Variants in CYB5B observed in about 807,000 individuals in gnomAD.
CYB5B encodes the protein cytochrome b5 type B.
In CYB5B, 14 loss-of-function variants were observed where a neutral mutation model predicts 21.3. The observed-to-expected ratio is 0.66, with a 90% confidence interval of 0.43 to 1.03. The LOEUF (loss-of-function observed/expected upper bound fraction) is 1.03, where lower values mean the gene tolerates loss of function less well. Ranked by LOEUF, CYB5B falls within the 50% of genes least tolerant of loss-of-function variation. CYB5B has a pLI of 0.00. For synonymous variants in CYB5B, 69 were observed against 68.4 expected, an observed-to-expected ratio of 1.01 and a Z score of -0.04; for missense variants, 166 against 185.1, an observed-to-expected ratio of 0.90 and a Z score of 0.60.
At chr16:69,442,517 C>T (rs941387224) in intron 1 of CYB5B, among the ~76,000 whole-genome samples, 1 of 151,816 alleles carries the variant, frequency 6.6e-6, no homozygotes, top group Non-Finnish European at 1.5e-5. Flanking sequence ...TTATTTTTTA[C>T]TTTTTAATAT....
intron 1 of CYB5B, among the ~76,000 whole-genome samples, chr16:69,427,404 T>C (rs1312433567): frequency 6.6e-6 from 1 of 152,094 alleles, no homozygotes; most frequent in Non-Finnish European, 1.5e-5. Flanking sequence ...TTCTTTTTTT[T>C]TTTCCTCTGT....
At chr16:69,427,924 A>G (rs1279826682) in intron 1 of CYB5B, among the ~76,000 whole-genome samples, 1 of 145,912 alleles carries the variant, frequency 6.9e-6, no homozygotes, top group Admixed American at 7.0e-5. Flanking sequence ...TGAACCCGGG[A>G]GGTGGAGGTT....
chr16:69,463,609 A>G lies in CYB5B; in HGVS notation c.*1089A>G, dbSNP rs2015057650. The G allele has an allele frequency of 6.6e-6, 1 of 151,974 alleles. No homozygotes were observed. The highest frequency in any genetic ancestry group is 1.5e-5 in the Non-Finnish European group (1 of 67,992). The allele number at this position is 151,974 out of a possible 1,614,324, so 9.4% of individuals were successfully genotyped here. The stretch of plus-strand genomic sequence containing the variant: ...TTGATTAGCAAATTTTTGATTCTCC[A>G]TTTTCCAAAAGTAAGAGACTCCAGC... On this transcript the variant is annotated 3_prime_UTR_variant, in exon 5 of 5. Coordinates refer to ENST00000307892, the MANE Select transcript of CYB5B (RefSeq NM_030579.3).
At chr16:69,428,600 G>A (rs556674955) in intron 1 of CYB5B, among the ~76,000 whole-genome samples, 2 of 152,078 alleles carry the variant, frequency 1.3e-5, no homozygotes, top group East Asian at 1.9e-4. Context: ...AGGTTGCAGC[G>A]ATCCAAGATT....
chr16:69,465,102 C>G lies in CYB5B; in HGVS notation c.*2582C>G, dbSNP rs2015075722. On this transcript the variant is annotated 3_prime_UTR_variant, in exon 5 of 5. Coordinates refer to ENST00000307892, the MANE Select transcript of CYB5B (RefSeq NM_030579.3). Reference sequence around the variant, plus strand: ...TTGACATGGGTAGCTGGTGAAAAACCCTCTGGAGAGCAAGTGGAGCCAGTC... The same window carrying G: ...TTGACATGGGTAGCTGGTGAAAAACGCTCTGGAGAGCAAGTGGAGCCAGTC... 1 of 152,044 alleles carries G rather than the reference C, an allele frequency of 6.6e-6. No homozygotes were observed. The highest frequency in any genetic ancestry group is 1.5e-5 in the Non-Finnish European group (1 of 68,070). The allele number at this position is 152,044 out of a possible 1,614,324, so 9.4% of individuals were successfully genotyped here.
chr16:69,458,273 A>G (rs2015000849), intron 3 of CYB5B, among the ~76,000 whole-genome samples: 1 of 152,160 alleles, frequency 6.6e-6, no homozygotes, highest in African/African-American at 2.4e-5. Flanking sequence ...CCCCATATTC[A>G]TTAGCAGTCG....
chr16:69,436,107 G>C (rs945608433), intron 1 of CYB5B, among the ~76,000 whole-genome samples: 13 of 152,110 alleles, frequency 8.5e-5, no homozygotes, highest in South Asian at 2.1e-4. Context: ...TTTGCCCGGG[G>C]GCATGGCATG....
At chr16:69,451,837 G>T (rs897528210) in intron 3 of CYB5B, among the ~76,000 whole-genome samples, 3 of 151,602 alleles carry the variant, frequency 2.0e-5, no homozygotes, top group African/African-American at 7.3e-5. Flanking sequence ...TGTAGTCCCA[G>T]CTACTCGGGG....
intron 3 of CYB5B, among the ~76,000 whole-genome samples, chr16:69,457,647 A>G (rs754582802): frequency 1.3e-5 from 2 of 152,230 alleles, no homozygotes; most frequent in Non-Finnish European, 2.9e-5. Flanking sequence ...CTTGTAACTC[A>G]TTTTAATTAA....
intron 4 of CYB5B, 122 bp downstream of exon 4, chr16:69,459,243 C>T: frequency 8.0e-7 from 1 of 1,242,318 alleles, no homozygotes; most frequent in Non-Finnish European, 1.1e-6. Flanking sequence ...CTTTTTTGGC[C>T]CAAATCATTG....
intron 3 of CYB5B, 90 bp from the exon 4 acceptor site, chr16:69,459,003 C>T (rs1390827698): frequency 8.9e-6 from 11 of 1,237,872 alleles, no homozygotes; most frequent in Non-Finnish European, 1.2e-5. Context: ...ACAGGGTTGA[C>T]ATAGCTTGAT....
rs2014626368 is a variant in CYB5B at position 69,424,864 on chromosome 16, C to T, written c.174+7C>T. On this transcript the variant is annotated splice_region_variant and intron_variant, in intron 1 of 4. Coordinates refer to ENST00000307892, the MANE Select transcript of CYB5B (RefSeq NM_030579.3). ...CACCCGCTTCCTCAACGAGGTGGGG[C>T]CTGGGAGGTGGGAGGCCTCTGAAGC... The T allele has an allele frequency of 1.3e-6, 2 of 1,564,894 alleles. No homozygotes were observed. Among genetic ancestry groups the T allele is most frequent in the African/African-American group, 1.4e-5 (1 of 73,104 alleles).
chr16:69,429,836 A>C (rs2014687256), intron 1 of CYB5B, among the ~76,000 whole-genome samples: 1 of 152,134 alleles, frequency 6.6e-6, no homozygotes, highest in African/African-American at 2.4e-5. Flanking sequence ...TCTCTTTCCA[A>C]TCTGATGTCA....
At chr16:69,449,610 G>A (rs1379379892) in intron 3 of CYB5B, 1 of 152,228 alleles carries the variant, frequency 6.6e-6, no homozygotes, top group Non-Finnish European at 1.5e-5. Context: ...TCTTAGGAAT[G>A]TAGAACAATG....
chr16:69,459,154 C>G, intron 4 of CYB5B, 33 bp downstream of exon 4: 1 of 1,592,134 alleles, frequency 6.3e-7, no homozygotes, highest in Non-Finnish European at 8.5e-7. Context: ...TCCATACGTT[C>G]AAGGTAATGT....
intron 3 of CYB5B, among the ~76,000 whole-genome samples, chr16:69,456,625 G>A (rs1329176001): frequency 2.0e-5 from 3 of 152,216 alleles, no homozygotes; most frequent in African/African-American, 7.2e-5. Context: ...AAGATTGAGA[G>A]CATTAAAATC....
chr16:69,431,102 G>T (rs1186363468), intron 1 of CYB5B, among the ~76,000 whole-genome samples: 1 of 152,016 alleles, frequency 6.6e-6, no homozygotes. Context: ...GGGTTCAAGC[G>T]ATTTTCCTGC....
chr16:69,461,100 C>T (rs940178022), intron 4 of CYB5B, among the ~76,000 whole-genome samples: 1 of 151,834 alleles, frequency 6.6e-6, no homozygotes, highest in Admixed American at 6.6e-5. Context: ...ATCACGAGGA[C>T]GGGCTGAGAC....
At chr16:69,461,202 C>CAA (rs548563223) in intron 4 of CYB5B, among the ~76,000 whole-genome samples, 20 of 123,784 alleles carry the variant, frequency 1.6e-4, no homozygotes, top group Admixed American at 2.5e-4. Context: ...GACTCCGTCT[C>CAA]AAAAAAAAAA....
Sources: allele counts gnomAD v4.1 joint callset (sites outside exome capture counted in the v4.1 genomes callset), GRCh38; gene constraint gnomAD v4.1.1; transcripts MANE v1.5; gene names NCBI Gene and HGNC (gene_info 2026-07-23, HGNC 2026-07-21).